Variants in ZNF804B observed in about 807,000 individuals in gnomAD.
The protein encoded by ZNF804B is zinc finger protein 804B.
Under a neutral mutation model 101.4 loss-of-function variants are expected in ZNF804B, and 80 were observed. The observed-to-expected ratio is 0.79, with a 90% CI of 0.66 to 0.95. ZNF804B has a LOEUF of 0.95. Ranked by LOEUF, ZNF804B falls within the 40% of genes least tolerant of loss-of-function variation. The pLI, the probability that ZNF804B is intolerant of heterozygous loss-of-function variation, is 0.00. For synonymous variants in ZNF804B, 622 were observed against 558.8 expected, an observed-to-expected ratio of 1.11 and a Z score of -1.59; for missense variants, 1,673 against 1,561.9, an observed-to-expected ratio of 1.07 and a Z score of -1.20.
At chr7:89,220,401 C>T (rs1479113168) in intron 2 of ZNF804B, among the ~76,000 whole-genome samples, 1 of 151,428 alleles carries the variant, frequency 6.6e-6, no homozygotes, top group Non-Finnish European at 1.5e-5. Flanking sequence ...TATTCTAGTT[C>T]AATAATTCTG....
intron 1 of ZNF804B, among the ~76,000 whole-genome samples, chr7:89,120,395 C>T (rs1387359015): frequency 2.0e-5 from 3 of 152,212 alleles, no homozygotes; most frequent in South Asian, 2.1e-4. Flanking sequence ...CGGTGGCTCA[C>T]GCGTGTAATC....
chr7:88,936,011 T>C (rs1416659935), intron 1 of ZNF804B, among the ~76,000 whole-genome samples: 2 of 151,522 alleles, frequency 1.3e-5, no homozygotes, highest in African/African-American at 4.8e-5. Context: ...CATTTCTTTT[T>C]TTCTTCCTCC....
chr7:89,329,704 G>A (rs1166194978), intron 3 of ZNF804B, among the ~76,000 whole-genome samples: 1 of 151,564 alleles, frequency 6.6e-6, no homozygotes, highest in Admixed American at 6.6e-5. Context: ...GTCCCTCTCT[G>A]TATGTGAACT....
intron 2 of ZNF804B, among the ~76,000 whole-genome samples, chr7:89,278,218 T>C (rs1244070298): frequency 7.1e-6 from 1 of 140,322 alleles, no homozygotes; most frequent in Non-Finnish European, 1.6e-5. Context: ...TCTTGTAAAT[T>C]TGTTGGAGTT....
chr7:89,176,198 A>G (rs1488966157), intron 1 of ZNF804B, among the ~76,000 whole-genome samples: 1 of 151,850 alleles, frequency 6.6e-6, no homozygotes, highest in Non-Finnish European at 1.5e-5. Context: ...GTATCATGGT[A>G]TATGGGTGTA....
At chr7:89,119,908 G>A (rs543400631) in intron 1 of ZNF804B, among the ~76,000 whole-genome samples, 2 of 152,170 alleles carry the variant, frequency 1.3e-5, no homozygotes, top group East Asian at 1.9e-4. Context: ...TGGATAGCAA[G>A]GTTTATTCCC....
At chr7:89,035,449 C>T (rs925559018) in intron 1 of ZNF804B, among the ~76,000 whole-genome samples, 7 of 151,748 alleles carry the variant, frequency 4.6e-5, no homozygotes, top group East Asian at 1.9e-4. Context: ...AAATCAGCTA[C>T]GTTGGCTTTT....
chr7:88,906,152 C>CT (rs893593152), intron 1 of ZNF804B, among the ~76,000 whole-genome samples: 1 of 151,522 alleles, frequency 6.6e-6, no homozygotes, highest in African/African-American at 2.4e-5. Flanking sequence ...TTATTTGGAT[C>CT]TTTTTTTTCT....
At chr7:89,071,026 A>G (rs1325221266) in intron 1 of ZNF804B, among the ~76,000 whole-genome samples, 1 of 152,194 alleles carries the variant, frequency 6.6e-6, no homozygotes, top group Non-Finnish European at 1.5e-5. Flanking sequence ...ATATTTGCAT[A>G]TAACCTATGC....
At chr7:88,980,671 C>T (rs1793681829) in intron 1 of ZNF804B, among the ~76,000 whole-genome samples, 1 of 152,022 alleles carries the variant, frequency 6.6e-6, no homozygotes, top group Non-Finnish European at 1.5e-5. Context: ...CAAACAGAGT[C>T]TCTCTCTTCA....
chr7:89,212,252 T>TACACACAC (rs67535390), intron 1 of ZNF804B, among the ~76,000 whole-genome samples: 5 of 87,096 alleles, frequency 5.7e-5, no homozygotes, highest in Non-Finnish European at 1.0e-4. Context: ...CATTCAGTGA[T>TACACACAC]ACACACACAC....
chr7:89,011,375 T>G (rs1788459709), intron 1 of ZNF804B, among the ~76,000 whole-genome samples: 1 of 152,138 alleles, frequency 6.6e-6, no homozygotes, highest in African/African-American at 2.4e-5. Context: ...TGTCCTCACA[T>G]TTCAAAACAC....
At chr7:88,929,663 T>C (rs948657153) in intron 1 of ZNF804B, among the ~76,000 whole-genome samples, 6 of 151,936 alleles carry the variant, frequency 3.9e-5, no homozygotes, top group Admixed American at 6.6e-5. Flanking sequence ...GCTGTAAACA[T>C]TTCCTGATTC....
intron 1 of ZNF804B, among the ~76,000 whole-genome samples, chr7:89,081,458 T>C (rs569353176): frequency 1.4e-4 from 21 of 151,944 alleles, no homozygotes; most frequent in African/African-American, 5.1e-4. Flanking sequence ...TTACTTCCAA[T>C]CCATTCTAGG....
chr7:89,135,038 A>C (rs770546119), intron 1 of ZNF804B, among the ~76,000 whole-genome samples: 7 of 152,136 alleles, frequency 4.6e-5, no homozygotes, highest in Non-Finnish European at 7.4e-5. Context: ...ATCGTTCTAC[A>C]TAGGCACTAG....
intron 1 of ZNF804B, among the ~76,000 whole-genome samples, chr7:89,145,650 T>C (rs534429743): frequency 2.6e-5 from 4 of 152,000 alleles, no homozygotes; most frequent in African/African-American, 9.7e-5. Context: ...TATAATCAAT[T>C]TAATACATTC....
intron 1 of ZNF804B, among the ~76,000 whole-genome samples, chr7:89,186,138 G>T (rs1167250845): frequency 6.6e-6 from 1 of 151,796 alleles, no homozygotes; most frequent in Admixed American, 6.6e-5. Flanking sequence ...TTTTATTAGT[G>T]ATAAAATAAT....
intron 1 of ZNF804B, among the ~76,000 whole-genome samples, chr7:89,029,291 A>G (rs936933337): frequency 2.0e-5 from 3 of 152,124 alleles, no homozygotes; most frequent in Non-Finnish European, 2.9e-5. Context: ...TTTACTAGAA[A>G]TGGGGTTTCA....
At chr7:88,838,517 T>C (rs936887484) in intron 1 of ZNF804B, among the ~76,000 whole-genome samples, 4 of 151,990 alleles carry the variant, frequency 2.6e-5, no homozygotes, top group African/African-American at 7.2e-5. Context: ...TATTTTTCTA[T>C]AATTAAAAAG....
Sources: gnomAD v4.1 joint callset for allele counts (sites outside exome capture counted in the v4.1 genomes callset) on GRCh38, gnomAD v4.1.1 for gene constraint, MANE v1.5 for transcripts, NCBI Gene and HGNC (gene_info 2026-07-23, HGNC 2026-07-21) for gene names.